Variants in WRN observed in about 807,000 individuals in gnomAD.
WRN encodes the protein bifunctional 3'-5' exonuclease/ATP-dependent helicase WRN.
A neutral mutation model predicts 180.7 loss-of-function variants in WRN; 149 were observed. That is an observed-to-expected ratio of 0.82 (90% CI 0.72 to 0.94). The LOEUF is 0.94. WRN is among the 40% of genes least tolerant of loss of function. The pLI is 0.00. For synonymous variants in WRN, 548 were observed against 568.9 expected (o/e 0.96, Z 0.52); for missense variants, 1,661 against 1,700.1 (o/e 0.98, Z 0.40).
chr8:31,131,184 C>CTTTTTTTTTT (rs1563370058), intron 23 of WRN, among the ~76,000 whole-genome samples: 1 of 18,518 alleles, frequency 5.4e-5, no homozygotes, highest in African/African-American at 1.6e-4. Flanking sequence ...CAGAGTTTTG[C>CTTTTTTTTTT]TCTTGTCACC....
In WRN at chr8:31,141,771, C is replaced by CCTA; in HGVS notation, c.3230_3232dup (p.Pro1077_Ser1078insThr). The CCTA allele has an allele frequency of 6.2e-7, 1 of 1,613,572 alleles. No individual in the cohort carries two copies. The highest frequency in any genetic ancestry group is 8.5e-7 in the Non-Finnish European group (1 of 1,179,782). Reference sequence around the variant, plus strand: ...ATTGTGTCCAAAGAAGTTGCTTCTGCCTAGGTTCATTTTTCAGTTTTTTTC... The same window carrying CCTA: ...ATTGTGTCCAAAGAAGTTGCTTCTGCCTACTAGGTTCATTTTTCAGTTTTTTTC... On this transcript the variant is annotated inframe_insertion, in exon 26 of 35. Coordinates refer to ENST00000298139, the MANE Select transcript of WRN (RefSeq NM_000553.6).
intron 34 of WRN, among the ~76,000 whole-genome samples, chr8:31,169,282 T>C (rs183390042): frequency 4.6e-4 from 70 of 151,796 alleles, no homozygotes; most frequent in African/African-American, 1.5e-3. Flanking sequence ...TAGCTTAGTA[T>C]TCACTTATTT....
chr8:31,160,172 A>G (rs1803556216), intron 33 of WRN, among the ~76,000 whole-genome samples: 1 of 152,212 alleles, frequency 6.6e-6, no homozygotes, highest in Non-Finnish European at 1.5e-5. Flanking sequence ...CTGCTTCTAT[A>G]TCACTTCCTA....
chr8:31,095,070 G>C (rs1218120307), intron 16 of WRN, among the ~76,000 whole-genome samples: 3 of 152,170 alleles, frequency 2.0e-5, no homozygotes, highest in African/African-American at 7.2e-5. Flanking sequence ...CCCACCAGCA[G>C]TGTATGAGAG....
chr8:31,089,251 C>T (rs1375899965), intron 13 of WRN, among the ~76,000 whole-genome samples: 1 of 152,040 alleles, frequency 6.6e-6, no homozygotes, highest in Non-Finnish European at 1.5e-5. Context: ...TAATTTAATA[C>T]TGACTTGTTT....
chr8:31,173,176 A>G lies in WRN; in HGVS notation c.*74A>G. On this transcript the variant is annotated 3_prime_UTR_variant, in exon 35 of 35. Coordinates refer to ENST00000298139, the MANE Select transcript of WRN (RefSeq NM_000553.6). ...TAGCTATATTTTATTTCTGAAGAGT[A>G]AGGAGTAGTATTTTGGCTTAAAAAT... 2 of 1,391,558 alleles carry G rather than the reference A, an allele frequency of 1.4e-6. No individual in the cohort carries two copies. Among genetic ancestry groups the G allele is most frequent in the Non-Finnish European group, 2.0e-6 (2 of 987,750 alleles). The allele number at this position is 1,391,558 out of a possible 1,614,324, so 86.2% of individuals were successfully genotyped here. A position where few individuals can be genotyped will look rare whatever the true frequency, so the allele number is the denominator to read the frequency against.
chr8:31,064,138 A>G (rs1812601483), intron 3 of WRN, 151 bp from the exon 4 acceptor site: 1 of 767,444 alleles, frequency 1.3e-6, no homozygotes, highest in African/African-American at 1.8e-5. Flanking sequence ...AAGAAATTTT[A>G]CATATTTTCT....
intron 19 of WRN, among the ~76,000 whole-genome samples, chr8:31,113,209 A>AG (rs1158355321): frequency 6.6e-6 from 1 of 151,500 alleles, no homozygotes; most frequent in Non-Finnish European, 1.5e-5. Flanking sequence ...CCGTTTCAAA[A>AG]AAAAAAAAAA....
rs1452384431 is a variant in WRN, at chr8:31,147,453, A to G, written c.3549A>G (p.Ile1183Met). 1 of 1,613,910 alleles carries G rather than the reference A, an allele frequency of 6.2e-7. No individual in the cohort carries two copies. Among genetic ancestry groups the G allele is most frequent in the Admixed American group, 1.7e-5 (1 of 60,002 alleles). The change falls in exon 30 of 35, where the codon ATA (isoleucine) becomes ATG (methionine). Residue 1183 changes from isoleucine (I) to methionine (M), a missense_variant. Physicochemically the swap from Ile to Met is conservative, Grantham distance 10. This residue lies in a region of WRN where 1,141 missense variants were observed against 1,149.4 expected (regional missense o/e 0.99). Transcript: ENST00000298139. Reference sequence around the variant, plus strand: ...CAGCTATTCTGGCAACAAACAAGATACTGGTGGATATGGCCAAAATGAGGT... The same window carrying G: ...CAGCTATTCTGGCAACAAACAAGATGCTGGTGGATATGGCCAAAATGAGGT... ...VPPAILATNK[I>M]LVDMAKMRPT...
intron 28 of WRN, among the ~76,000 whole-genome samples, chr8:31,146,283 TTATA>T (rs1422689854): frequency 6.7e-5 from 10 of 149,992 alleles, no homozygotes; most frequent in Non-Finnish European, 1.5e-4. Flanking sequence ...AATAATTTGT[TTATA>T]TATATTTTTA....
chr8:31,077,555 T>A (rs1813145413), intron 8 of WRN, among the ~76,000 whole-genome samples: 1 of 152,194 alleles, frequency 6.6e-6, no homozygotes, highest in South Asian at 2.1e-4. Context: ...AAGATGAACT[T>A]TAAAATGGGG....
At chr8:31,105,496 T>A (rs1327383779) in intron 18 of WRN, among the ~76,000 whole-genome samples, 1 of 152,194 alleles carries the variant, frequency 6.6e-6, no homozygotes, top group African/African-American at 2.4e-5. Flanking sequence ...AGTTTCACTC[T>A]TGTTGCCCAG....
At position 31,087,758 on chromosome 8, in the gene WRN, T is replaced by C; in HGVS notation, c.1432-18T>C. ...ACTGTCAGTGGTTTTGCTTTTAAGATTTCTTTTAAACTTTCAGTCTTTAGA... is the reference window on the plus strand; with the variant it reads ...ACTGTCAGTGGTTTTGCTTTTAAGACTTCTTTTAAACTTTCAGTCTTTAGA... On this transcript the variant is annotated intron_variant, in intron 11 of 34. Coordinates refer to ENST00000298139, the MANE Select transcript of WRN (RefSeq NM_000553.6). 1 of 1,611,548 alleles carries C rather than the reference T, an allele frequency of 6.2e-7. No homozygotes were observed. The highest frequency in any genetic ancestry group is 8.5e-7 in the Non-Finnish European group (1 of 1,178,248).
At chr8:31,041,906 T>C (rs939400383) in intron 1 of WRN, among the ~76,000 whole-genome samples, 1 of 151,984 alleles carries the variant, frequency 6.6e-6, no homozygotes, top group African/African-American at 2.4e-5. Flanking sequence ...TTATTCGGGG[T>C]TAGAGTTTTG....
rs543830844 is a variant in WRN, at chr8:31,076,156, A to AT, written c.725-9dup. ...CTTTGTGGTTTGAAAATTAATATTG[A>AT]TTTTTTTTCCCCCTAGAGGAAGAAA... On this transcript the variant is annotated splice_polypyrimidine_tract_variant and intron_variant, in intron 7 of 34. Transcript: ENST00000298139. 52 of 1,586,450 alleles carry AT rather than the reference A, an allele frequency of 3.3e-5. No homozygotes were observed. Among genetic ancestry groups the AT allele is most frequent in the East Asian group, 1.8e-4 (8 of 44,646 alleles).
chr8:31,120,632 G>A (rs1487625028), intron 21 of WRN, among the ~76,000 whole-genome samples: 1 of 151,846 alleles, frequency 6.6e-6, no homozygotes, highest in Non-Finnish European at 1.5e-5. Context: ...TTGGAGATGA[G>A]CTAATTTCAG....
At chr8:31,111,153 T>C (rs1253443414) in intron 18 of WRN, among the ~76,000 whole-genome samples, 2 of 151,858 alleles carry the variant, frequency 1.3e-5, no homozygotes, top group African/African-American at 4.8e-5. Context: ...ATATTTAAAA[T>C]AGGAGGCCAA....
chr8:31,132,646 G>A, intron 24 of WRN, 140 bp downstream of exon 24: 1 of 1,164,146 alleles, frequency 8.6e-7, no homozygotes, highest in Non-Finnish European at 1.2e-6. Context: ...CTAAGTTCCA[G>A]TTAAACACTA....
intron 33 of WRN, among the ~76,000 whole-genome samples, chr8:31,163,909 G>A (rs11574389): frequency 5.8e-4 from 86 of 149,310 alleles, no homozygotes; most frequent in South Asian, 1.5e-3. Flanking sequence ...CTGGAGTGCC[G>A]TGGCACAATC....
Sources: gnomAD v4.1 joint callset for allele counts (sites outside exome capture counted in the v4.1 genomes callset) on GRCh38, gnomAD v4.1.1 for gene constraint, gnomAD v4.1.1 regional missense constraint, MANE v1.5 for transcripts, NCBI Gene and HGNC (gene_info 2026-07-23, HGNC 2026-07-21) for gene names.